SEC62: variants seen among roughly 807,000 people sequenced by gnomAD.
SEC62 encodes the protein SEC62 preprotein translocation factor, also known as translocation protein SEC62.
In SEC62, 10 loss-of-function variants were observed where a neutral mutation model predicts 47.5. That is an observed-to-expected ratio of 0.21 (90% CI 0.13 to 0.36). The LOEUF is 0.36. Ranked by LOEUF, SEC62 falls within the 10% of genes least tolerant of loss-of-function variation. SEC62 has a pLI of 1.00. For missense variants in SEC62, 327 were observed against 464.1 expected, an observed-to-expected ratio of 0.70 and a Z score of 2.71; for synonymous variants, 136 against 150.5, an observed-to-expected ratio of 0.90 and a Z score of 0.71.
Position 169,994,016 on chromosome 3 carries a change from C to A in SEC62, c.*953C>A, listed in dbSNP as rs1258101487. 1 of 152,594 alleles carries A rather than the reference C, an allele frequency of 6.6e-6. No individual in the cohort carries two copies. The highest frequency in any genetic ancestry group is 1.5e-5 in the Non-Finnish European group (1 of 68,024). The allele number at this position is 152,594 out of a possible 1,614,324, so 9.5% of individuals were successfully genotyped here. The stretch of plus-strand genomic sequence containing the variant: ...AGCAAAAACTGATCTTAAGAGCAGA[C>A]TTAAAGTAGCTTTGTACGCCTTAAT... On this transcript the variant is annotated 3_prime_UTR_variant, in exon 8 of 8. Transcript: ENST00000337002.
At chr3:169,987,507 A>T (rs1715137806) in intron 6 of SEC62, among the ~76,000 whole-genome samples, 1 of 152,192 alleles carries the variant, frequency 6.6e-6, no homozygotes, top group South Asian at 2.1e-4. Flanking sequence ...TTTCATCCTC[A>T]CAACAACCTT....
At chr3:169,986,295 A>G (rs1238381386) in intron 6 of SEC62, among the ~76,000 whole-genome samples, 1 of 152,206 alleles carries the variant, frequency 6.6e-6, no homozygotes, top group African/African-American at 2.4e-5. Context: ...TTGAAATTTT[A>G]TGTGTCTGCA....
chr3:169,971,337 G>A (rs1576855049), intron 1 of SEC62, among the ~76,000 whole-genome samples: 1 of 152,054 alleles, frequency 6.6e-6, no homozygotes, highest in Admixed American at 6.5e-5. Context: ...TCCCAAAGTG[G>A]TGGGGATTAC....
intron 3 of SEC62, 40 bp from the exon 4 acceptor site, chr3:169,982,667 C>T (rs958469677): frequency 1.9e-6 from 3 of 1,595,944 alleles, no homozygotes; most frequent in East Asian, 4.5e-5. Flanking sequence ...CAGTCTCTAT[C>T]TATATGGGGA....
chr3:169,992,156 A>G lies in SEC62; in HGVS notation c.731-438A>G, dbSNP rs762949595. 1.3e-5 allele frequency among the ~76,000 whole-genome samples: 2 copies of G among 152,264 alleles called. No individual in the cohort carries two copies. The highest frequency in any genetic ancestry group is 3.4e-3 in the Middle Eastern group (1 of 294). ...ATACTTAAATTCCCAACTGATTGCT[A>G]TGTGTATTGAAGCATAATATCACAA... On this transcript the variant is annotated intron_variant, in intron 7 of 7. Transcript: ENST00000337002. The surrounding 1 kb of genome is among the most constrained non-coding windows in gnomAD (Gnocchi z 4.0).
At chr3:169,975,230 G>A (rs1350759334) in intron 1 of SEC62, among the ~76,000 whole-genome samples, 2 of 146,072 alleles carry the variant, frequency 1.4e-5, no homozygotes, top group Non-Finnish European at 3.0e-5. Flanking sequence ...GCAGTGAGCC[G>A]AGATCGCACC....
chr3:169,981,284 A>G (rs902084663), intron 3 of SEC62, among the ~76,000 whole-genome samples: 2 of 152,246 alleles, frequency 1.3e-5, no homozygotes, highest in East Asian at 3.8e-4. Context: ...CCTAGAAATT[A>G]GCTTTGTGGA....
At chr3:169,977,163 G>C in intron 3 of SEC62, 112 bp downstream of exon 3, 1 of 580,328 alleles carries the variant, frequency 1.7e-6, no homozygotes, top group South Asian at 3.3e-5. Flanking sequence ...CTCAAATACT[G>C]TTTTCACATG....
Position 169,997,371 on chromosome 3 carries a change from A to G in SEC62, c.*4308A>G, listed in dbSNP as rs1039331719. 3 of 152,370 alleles carry G rather than the reference A, an allele frequency of 2.0e-5. No individual in the cohort carries two copies. Among genetic ancestry groups the G allele is most frequent in the Admixed American group, 6.5e-5 (1 of 15,292 alleles). 9.4% of individuals were successfully genotyped at this position (152,370 alleles called of 1,614,324 possible). On this transcript the variant is annotated 3_prime_UTR_variant, in exon 8 of 8. Coordinates refer to ENST00000337002, the MANE Select transcript of SEC62 (RefSeq NM_003262.4). ...AGATAAGTTAAATTTCAAGGGGGTC[A>G]TATCATCACACTTTGGTCTTATTTC...
intron 1 of SEC62, among the ~76,000 whole-genome samples, chr3:169,971,399 A>G (rs3772185): frequency 0.18 from 26,865 of 152,182 alleles, 2,515 homozygotes; most frequent in South Asian, 0.23. Context: ...ACAGCAATCT[A>G]TCTTTCTGGC....
intron 1 of SEC62, chr3:169,975,373 T>A (rs1223279498): frequency 2.9e-6 from 1 of 350,648 alleles, no homozygotes; most frequent in South Asian, 3.9e-5. Context: ...TGCCTCATAG[T>A]TGAAGCCAAG....
intron 2 of SEC62, 69 bp from the exon 3 acceptor site, chr3:169,976,877 T>C: frequency 2.8e-6 from 3 of 1,057,904 alleles, no homozygotes; most frequent in South Asian, 2.0e-5. Flanking sequence ...TTTTACTTTA[T>C]AAAATATTAT....
In SEC62 at chr3:169,976,010, C is replaced by T. The variant is rs938270470; in HGVS notation, c.145+294C>T. Among the ~76,000 whole-genome samples, 3 of 152,110 alleles carry T rather than the reference C, an allele frequency of 2.0e-5. No homozygotes were observed. In the South Asian group the frequency reaches 6.2e-4, roughly 31 times the overall value. On this transcript the variant is annotated intron_variant, in intron 2 of 7. Transcript: ENST00000337002. Reference sequence around the variant, plus strand: ...GCGTACTTGGAACTAAGAGCACTGGCTTTTTTTCCCCAAACAATGTCATTA... The same window carrying T: ...GCGTACTTGGAACTAAGAGCACTGGTTTTTTTTCCCCAAACAATGTCATTA...
At chr3:169,976,312 TA>T (rs1390560517) in intron 2 of SEC62, among the ~76,000 whole-genome samples, 3 of 152,092 alleles carry the variant, frequency 2.0e-5, no homozygotes, top group Admixed American at 6.6e-5. Context: ...AGGCTGCAGT[TA>T]ACTATGATCC....
In SEC62 at chr3:169,997,410, T is replaced by G. The variant is rs1454449996; in HGVS notation, c.*4347T>G. 6.6e-6 allele frequency: 1 copy of G among 152,234 alleles called. No homozygotes were observed. Among genetic ancestry groups the G allele is most frequent in the Non-Finnish European group, 1.5e-5 (1 of 68,040 alleles). 9.4% of individuals were successfully genotyped at this position (152,234 alleles called of 1,614,324 possible). A position where few individuals can be genotyped will look rare whatever the true frequency, so the allele number is the denominator to read the frequency against. ...TGGTCTTATTTCATTTTCAATGATT[T>G]CCTAGATCACTTTAACTTTTTTGTG... On this transcript the variant is annotated 3_prime_UTR_variant, in exon 8 of 8. Transcript: ENST00000337002.
At chr3:169,990,919 A>G (rs1715234634) in intron 7 of SEC62, among the ~76,000 whole-genome samples, 1 of 152,220 alleles carries the variant, frequency 6.6e-6, no homozygotes, top group South Asian at 2.1e-4. Context: ...TTTATATGAA[A>G]ACAGTGACAG....
At chr3:169,968,311 A>T (rs1714607184) in intron 1 of SEC62, 1 of 152,106 alleles carries the variant, frequency 6.6e-6, no homozygotes, top group Non-Finnish European at 1.5e-5. Flanking sequence ...TTGCTCTTTA[A>T]TATTGTTGTA....
chr3:169,985,489 G>C (rs900194442), intron 5 of SEC62: 1 of 174,062 alleles, frequency 5.7e-6, no homozygotes, highest in African/African-American at 2.4e-5. Context: ...TGATCTGCCC[G>C]CCTTGGCCTC....
rs891745287 is a variant in SEC62 at position 169,996,434 on chromosome 3, G to C, written c.*3371G>C. On this transcript the variant is annotated 3_prime_UTR_variant, in exon 8 of 8. Coordinates refer to ENST00000337002, the MANE Select transcript of SEC62 (RefSeq NM_003262.4). ...CCAGAATTTTACTAGGCACAACCATGAATAAAAATACAATTCTCTTGCACC... is the reference window on the plus strand; with the variant it reads ...CCAGAATTTTACTAGGCACAACCATCAATAAAAATACAATTCTCTTGCACC... 58 of 152,630 alleles carry C rather than the reference G, an allele frequency of 3.8e-4. No homozygotes were observed. Among genetic ancestry groups the C allele is most frequent in the African/African-American group, 1.3e-3 (52 of 41,444 alleles). The allele number at this position is 152,630 out of a possible 1,614,324, so 9.5% of individuals were successfully genotyped here. A position where few individuals can be genotyped will look rare whatever the true frequency, so the allele number is the denominator to read the frequency against.
Sources: gnomAD v4.1 joint callset for allele counts (sites outside exome capture counted in the v4.1 genomes callset) on GRCh38, gnomAD v4.1.1 for gene constraint, Gnocchi (gnomAD v3.1) non-coding constraint, MANE v1.5 for transcripts, NCBI Gene and HGNC (gene_info 2026-07-23, HGNC 2026-07-21) for gene names.